RBM4: variants seen among roughly 807,000 people sequenced by gnomAD.
RBM4 encodes RNA binding motif protein 4, also known as RNA-binding protein 4.
In RBM4, 7 loss-of-function variants were observed where a neutral mutation model predicts 29.5. That is an observed-to-expected ratio of 0.24 (90% CI 0.14 to 0.45). RBM4 has a LOEUF of 0.45. Among genes scored for constraint, RBM4 ranks in the 20% least tolerant of loss-of-function variants. The pLI is 1.00. For synonymous variants in RBM4, 220 were observed against 205.4 expected, an observed-to-expected ratio of 1.07 and a Z score of -0.61; for missense variants, 387 against 502.3, an observed-to-expected ratio of 0.77 and a Z score of 2.19.
chr11:66,667,282 A>G (rs1192095108), exon 3 of RBM4: 1 of 152,252 alleles, frequency 6.6e-6, no homozygotes, highest in African/African-American at 2.4e-5. Context: ...TTGGCATTTT[A>G]GCACTTTTGG....
intron 2 of RBM4, chr11:66,641,009 C>G (rs908656695): frequency 5.9e-5 from 9 of 152,134 alleles, no homozygotes; most frequent in African/African-American, 2.2e-4. Flanking sequence ...CGCAAATATT[C>G]CAAAATCTGA....
chr11:66,649,917 AT>A (rs906569557), downstream of RBM4: 34 of 555,260 alleles, frequency 6.1e-5, no homozygotes, highest in South Asian at 1.4e-4. Flanking sequence ...TAATAAACTG[AT>A]TTTTTTCCCC....
At chr11:66,649,964 T>TCTAG, downstream of RBM4, 1 of 521,900 alleles carries the variant, frequency 1.9e-6, no homozygotes, top group Non-Finnish European at 3.4e-6. Flanking sequence ...CTAGTAAATG[T>TCTAG]CTAGCTGGCT....
downstream of RBM4, among the ~76,000 whole-genome samples, chr11:66,651,438 C>T (rs1938829371): frequency 6.6e-6 from 1 of 151,840 alleles, no homozygotes; most frequent in African/African-American, 2.4e-5. Context: ...TGCTCCACCT[C>T]CCGGGTTCAC....
chr11:66,649,711 C>G (rs76112966), downstream of RBM4: 1,648 of 701,088 alleles, frequency 2.4e-3, 17 homozygotes, highest in African/African-American at 0.025. Context: ...TAATAAAGTA[C>G]TTTTTCTTGC....
At chr11:66,639,055 A>G (rs1418711463) in intron 1 of RBM4, 1 of 152,004 alleles carries the variant, frequency 6.6e-6, no homozygotes, top group Non-Finnish European at 1.5e-5. Flanking sequence ...CGTTTCGGGA[A>G]TTTCTCGGGC....
rs1430850612 is a variant in RBM4, at chr11:66,640,134, C to T, written c.412+11C>T. On this transcript the variant is annotated intron_variant, in intron 2 of 3. Transcript: ENST00000310092. Reference sequence around the variant, plus strand: ...ACACAGAGTTTCAAGGTGAACCACCCTCTTTGGGTAGAGGGCTGAACACAA... The same window carrying T: ...ACACAGAGTTTCAAGGTGAACCACCTTCTTTGGGTAGAGGGCTGAACACAA... The T allele has an allele frequency of 2.5e-6, 4 of 1,614,140 alleles. No individual in the cohort carries two copies. The highest frequency in any genetic ancestry group is 2.7e-5 in the African/African-American group (2 of 75,024).
In RBM4 at chr11:66,666,088, C is replaced by T; in HGVS notation, c.*123C>T. 10 of 901,236 alleles carry T rather than the reference C, an allele frequency of 1.1e-5. No individual in the cohort carries two copies. The South Asian group carries it at 1.8e-4, about 16-fold the overall frequency. 55.8% of individuals were successfully genotyped at this position (901,236 alleles called of 1,614,324 possible). ...TATCAAGGAGCAGCCAGTCATTCAC[C>T]CAATTCCAACACACCTACATGTCAC... On this transcript the variant is annotated 3_prime_UTR_variant, in exon 3 of 3. Transcript: ENST00000396053.
intron 2 of RBM4, among the ~76,000 whole-genome samples, chr11:66,662,140 T>C (rs1939094790): frequency 6.6e-6 from 1 of 152,222 alleles, no homozygotes; most frequent in Admixed American, 6.5e-5. Flanking sequence ...TATGAGCAGC[T>C]TATTTTACTA....
intron 2 of RBM4, 139 bp downstream of exon 2, chr11:66,640,262 TC>T: frequency 1.7e-6 from 2 of 1,152,214 alleles, no homozygotes; most frequent in Non-Finnish European, 2.5e-6. Flanking sequence ...GTGATGGACT[TC>T]TTATGATGTA....
chr11:66,655,011 G>T (rs1008505146), intron 2 of RBM4, among the ~76,000 whole-genome samples: 12 of 151,384 alleles, frequency 7.9e-5, no homozygotes, highest in Non-Finnish European at 1.8e-4. Flanking sequence ...TTGAGATGGA[G>T]TTTTGCTCTT....
chr11:66,652,977 CTTAAG>C (rs147895036), intron 2 of RBM4, among the ~76,000 whole-genome samples: 2,319 of 152,254 alleles, frequency 0.015, 35 homozygotes, highest in Middle Eastern at 0.031. Context: ...TCATTTTTGT[CTTAAG>C]TTGTCACAAC....
At position 66,646,173 on chromosome 11, in the gene RBM4, C is replaced by G. The variant is rs946096847; in HGVS notation, c.*155C>G. On this transcript the variant is annotated 3_prime_UTR_variant, in exon 4 of 4. Transcript: ENST00000310092. ...TTAATTTACCTTGCTAAGTTCAGAC[C>G]TTCTCTTCCTTTCCTTTCCTTTCCT... 24 of 1,503,990 alleles carry G rather than the reference C, an allele frequency of 1.6e-5. 1 individual carries two copies. The highest frequency in any genetic ancestry group is 4.2e-5 in the African/African-American group (3 of 72,098). 93.2% of individuals were successfully genotyped at this position (1,503,990 alleles called of 1,614,324 possible). A position where few individuals can be genotyped will look rare whatever the true frequency, so the allele number is the denominator to read the frequency against.
chr11:66,657,699 A>AG (rs1938976846), intron 2 of RBM4, among the ~76,000 whole-genome samples: 1 of 151,032 alleles, frequency 6.6e-6, no homozygotes, highest in Admixed American at 6.6e-5. Context: ...AAAAAAAAAA[A>AG]AAAAAAAAAT....
At chr11:66,655,310 GAC>G (rs1490956317) in intron 2 of RBM4, among the ~76,000 whole-genome samples, 2 of 147,598 alleles carry the variant, frequency 1.4e-5, no homozygotes, top group African/African-American at 5.0e-5. Flanking sequence ...TTTTTTTTGA[GAC>G]AGGGTCTCAC....
intron 3 of RBM4, 186 bp downstream of exon 3, chr11:66,644,326 T>A: frequency 1.2e-6 from 1 of 805,366 alleles, no homozygotes; most frequent in Non-Finnish European, 1.8e-6. Flanking sequence ...TCCTTGGCCC[T>A]CATGGCTATT....
chr11:66,653,115 G>A (rs934641051), intron 2 of RBM4, among the ~76,000 whole-genome samples: 3 of 152,144 alleles, frequency 2.0e-5, no homozygotes, highest in Non-Finnish European at 2.9e-5. Context: ...TATGCAACAA[G>A]ATGGGACTTC....
At chr11:66,665,181 T>G (rs1389633425) in intron 2 of RBM4, 2 of 206,182 alleles carry the variant, frequency 9.7e-6, no homozygotes, top group Non-Finnish European at 2.0e-5. Flanking sequence ...GTGTTAAGAG[T>G]CCAGAGCTAA....
At chr11:66,667,831 C>CT (rs1169781565) in exon 3 of RBM4, 9 of 152,090 alleles carry the variant, frequency 5.9e-5, no homozygotes. Context: ...CCTCAGCATT[C>CT]TGAGTAGCTG....
Sources: gnomAD v4.1 joint callset for allele counts (sites outside exome capture counted in the v4.1 genomes callset) on GRCh38, gnomAD v4.1.1 for gene constraint, MANE v1.5 for transcripts, NCBI Gene and HGNC (gene_info 2026-07-23, HGNC 2026-07-21) for gene names.